The following PAPOLG variants were observed in gnomAD, a reference collection of about 807,000 sequenced individuals.
PAPOLG encodes PAP-gamma.
In PAPOLG, 40 loss-of-function variants were observed where a neutral mutation model predicts 99.0. The observed-to-expected ratio is 0.40, with a 90% CI of 0.31 to 0.53. The LOEUF is 0.53. Ranked by LOEUF, PAPOLG falls within the 20% of genes least tolerant of loss-of-function variation. PAPOLG has a pLI of 0.41. For synonymous variants in PAPOLG, 310 were observed against 299.3 expected, an observed-to-expected ratio of 1.04 and a Z score of -0.37; for missense variants, 675 against 884.1, an observed-to-expected ratio of 0.76 and a Z score of 3.00.
intron 13 of PAPOLG, among the ~76,000 whole-genome samples, chr2:60,784,405 T>C (rs886917008): frequency 1.3e-5 from 2 of 152,214 alleles, no homozygotes; most frequent in African/African-American, 4.8e-5. Context: ...TAAGAGATAT[T>C]TGTGGTCAAG....
intron 13 of PAPOLG, among the ~76,000 whole-genome samples, chr2:60,786,551 C>T (rs771565311): frequency 5.6e-5 from 8 of 143,760 alleles, no homozygotes; most frequent in South Asian, 4.5e-4. Context: ...TTTTTTGAGA[C>T]GGAGTCTTGC....
chr2:60,800,857 T>A lies in PAPOLG; in HGVS notation c.*3697T>A, dbSNP rs913786682. On this transcript the variant is annotated 3_prime_UTR_variant, in exon 22 of 22. Coordinates refer to ENST00000238714, the MANE Select transcript of PAPOLG (RefSeq NM_022894.4). ...ATATTATATAATTTTCTACTTTTGA[T>A]TTTGCTGTGGTATATTTCTGAAAAT... is the stretch of plus-strand genomic sequence containing the variant. 6.6e-6 allele frequency: 1 copy of A among 152,308 alleles called. No individual in the cohort carries two copies. Among genetic ancestry groups the A allele is most frequent in the Non-Finnish European group, 1.5e-5 (1 of 68,032 alleles). 9.4% of individuals were successfully genotyped at this position (152,308 alleles called of 1,614,324 possible). A position where few individuals can be genotyped will look rare whatever the true frequency, so the allele number is the denominator to read the frequency against.
intron 21 of PAPOLG, 39 bp downstream of exon 21, chr2:60,795,059 TA>T (rs1331813750): frequency 6.6e-7 from 1 of 1,504,268 alleles, no homozygotes; most frequent in Admixed American, 1.9e-5. Flanking sequence ...AGTACATAGG[TA>T]AAAACTCATA....
chr2:60,794,209 G>A lies in PAPOLG; in HGVS notation c.1989+18G>A. On this transcript the variant is annotated intron_variant, in intron 19 of 21. Coordinates refer to ENST00000238714, the MANE Select transcript of PAPOLG (RefSeq NM_022894.4). Reference sequence around the variant, plus strand: ...TAGAAAAGGTAAAGTTACAACTTTAGTGGTAATTCAGTAGTTGATATTTTT... The same window carrying A: ...TAGAAAAGGTAAAGTTACAACTTTAATGGTAATTCAGTAGTTGATATTTTT... 6.2e-7 allele frequency: 1 copy of A among 1,603,078 alleles called. No individual in the cohort carries two copies. Among genetic ancestry groups the A allele is most frequent in the East Asian group, 2.2e-5 (1 of 44,768 alleles).
At chr2:60,766,664 C>A (rs1670684062) in intron 3 of PAPOLG, among the ~76,000 whole-genome samples, 1 of 150,252 alleles carries the variant, frequency 6.7e-6, no homozygotes, top group Non-Finnish European at 1.5e-5. Flanking sequence ...CAGTGAAACC[C>A]CGTCTCCATC....
intron 3 of PAPOLG, among the ~76,000 whole-genome samples, chr2:60,765,554 A>G (rs1412897778): frequency 1.3e-5 from 2 of 152,072 alleles, no homozygotes; most frequent in Admixed American, 6.6e-5. Context: ...CTCTTTATGT[A>G]TATTTTACTT....
In PAPOLG at chr2:60,768,450, TC is replaced by T; in HGVS notation, c.247-18del. The stretch of plus-strand genomic sequence containing the variant: ...AAATAATTTGAATAATTGAATGTCT[TC>T]CGCTTAATTTTATTTTAGAACCTCC... On this transcript the variant is annotated intron_variant, in intron 3 of 21. Transcript: ENST00000238714. 5.0e-6 allele frequency: 8 copies of T among 1,611,264 alleles called. No individual in the cohort carries two copies. The highest frequency in any genetic ancestry group is 2.2e-5 in the South Asian group (2 of 90,622).
intron 3 of PAPOLG, among the ~76,000 whole-genome samples, chr2:60,766,297 G>A (rs1453235690): frequency 6.6e-6 from 1 of 152,168 alleles, no homozygotes; most frequent in Non-Finnish European, 1.5e-5. Flanking sequence ...AAGCTTGTTA[G>A]GGAGTAAGGA....
At chr2:60,774,586 G>A (rs574234548) in intron 7 of PAPOLG, among the ~76,000 whole-genome samples, 1 of 152,076 alleles carries the variant, frequency 6.6e-6, no homozygotes, top group African/African-American at 2.4e-5. Context: ...GACTGGTCTC[G>A]AGCGCCTGAC....
chr2:60,800,736 T>C lies in PAPOLG; in HGVS notation c.*3576T>C, dbSNP rs1671819880. On this transcript the variant is annotated 3_prime_UTR_variant, in exon 22 of 22. Coordinates refer to ENST00000238714, the MANE Select transcript of PAPOLG (RefSeq NM_022894.4). ...ATAAGAAGTTCTAGTTTACATGCAT[T>C]TTTCTTGGGGAAAGTGCATAGTTTA... 6.6e-6 allele frequency: 1 copy of C among 152,260 alleles called. No individual in the cohort carries two copies. The highest frequency in any genetic ancestry group is 6.5e-5 in the Admixed American group (1 of 15,282). 9.4% of individuals were successfully genotyped at this position (152,260 alleles called of 1,614,324 possible).
chr2:60,771,760 T>A, intron 7 of PAPOLG, 130 bp downstream of exon 7: 1 of 949,684 alleles, frequency 1.1e-6, no homozygotes, highest in Non-Finnish European at 1.5e-6. Flanking sequence ...CTTATACAGA[T>A]AATGTGACCA....
Position 60,783,137 on chromosome 2 carries a change from G to T in PAPOLG, c.1113-19G>T. On this transcript the variant is annotated intron_variant, in intron 12 of 21. Transcript: ENST00000238714. ...ATTTTTCTGGCTTTTTTTCCTGATT[G>T]TTGCTGAAAATTCTTCAGACATTAT... The T allele has an allele frequency of 6.5e-7, 1 of 1,548,536 alleles. No homozygotes were observed. The highest frequency in any genetic ancestry group is 2.1e-5 in the Admixed American group (1 of 47,676).
chr2:60,794,958 T>C lies in PAPOLG; in HGVS notation c.2056-6T>C. 2.5e-6 allele frequency: 4 copies of C among 1,612,610 alleles called. No homozygotes were observed. The highest frequency in any genetic ancestry group is 3.4e-6 in the Non-Finnish European group (4 of 1,179,548). On this transcript the variant is annotated splice_polypyrimidine_tract_variant and splice_region_variant and intron_variant, in intron 20 of 21. Transcript: ENST00000238714. ...TTTTCACTTGTGTTGATTCTTCTGT[T>C]TTTAGGATGCCATTGGAGGAGAATC...
intron 7 of PAPOLG, among the ~76,000 whole-genome samples, chr2:60,773,158 A>T (rs1670906923): frequency 6.6e-6 from 1 of 152,098 alleles, no homozygotes; most frequent in African/African-American, 2.4e-5. Context: ...AACTCTCGAT[A>T]TCAGGTGATG....
intron 21 of PAPOLG, among the ~76,000 whole-genome samples, chr2:60,795,668 A>G (rs1265316544): frequency 6.6e-6 from 1 of 150,634 alleles, no homozygotes; most frequent in African/African-American, 2.4e-5. Flanking sequence ...ATAAATATAT[A>G]TGATGATAAT....
In PAPOLG at chr2:60,794,108, A is replaced by C; in HGVS notation, c.1906A>C (p.Asn636His). The change falls in exon 19 of 22, where the codon AAT becomes CAT. Residue 636 changes from asparagine to histidine, a missense_variant. Physicochemically the swap from Asn to His is moderately conservative, Grantham distance 68 (BLOSUM62 1). This residue lies in a region of PAPOLG where 413 missense variants were observed against 460.5 expected (regional missense o/e 0.90). Transcript: ENST00000238714. The part of the protein sequence containing the change: ...QGQPHLNGMS[N>H]ITKTVTPKRS... The stretch of plus-strand genomic sequence containing the variant: ...ACAACCGCATCTGAATGGAATGTCA[A>C]ATATAACTAAGACTGTTACACCTAA... 1 of 1,614,102 alleles carries C rather than the reference A, an allele frequency of 6.2e-7. No individual in the cohort carries two copies. The highest frequency in any genetic ancestry group is 2.2e-5 in the East Asian group (1 of 44,890).
Position 60,778,673 on chromosome 2 carries a change from A to G in PAPOLG, c.695-964A>G, listed in dbSNP as rs1040636242. On this transcript the variant is annotated intron_variant, in intron 8 of 21. Coordinates refer to ENST00000238714, the MANE Select transcript of PAPOLG (RefSeq NM_022894.4). ...AAATAGCAACACATGGCTTGTGGCT[A>G]CCATATTGGACAGTGCAGGTCTAAA... 4.6e-5 allele frequency among the ~76,000 whole-genome samples: 7 copies of G among 152,218 alleles called. No individual in the cohort carries two copies. The South Asian group carries it at 1.4e-3, about 32-fold the overall frequency.
chr2:60,774,719 T>C (rs1005546425), intron 7 of PAPOLG, among the ~76,000 whole-genome samples: 2 of 152,202 alleles, frequency 1.3e-5, no homozygotes, highest in Admixed American at 6.5e-5. Flanking sequence ...AACAGTAAAT[T>C]ACAGTATTTG....
Position 60,761,668 on chromosome 2 carries a change from C to T in PAPOLG, c.180-73C>T, listed in dbSNP as rs1670525057. 6 of 1,296,328 alleles carry T rather than the reference C, an allele frequency of 4.6e-6. No individual in the cohort carries two copies. The South Asian group carries it at 4.8e-5, about 10-fold the overall frequency. 80.3% of individuals were successfully genotyped at this position (1,296,328 alleles called of 1,614,324 possible). A position where few individuals can be genotyped will look rare whatever the true frequency, so the allele number is the denominator to read the frequency against. ...CCCAGCATCAACACAAAGGGTACTG[C>T]CTATATGGGTTTTTAAAAATACTGT... On this transcript the variant is annotated intron_variant, in intron 2 of 21. Transcript: ENST00000238714.
Sources: allele counts gnomAD v4.1 joint callset (sites outside exome capture counted in the v4.1 genomes callset), GRCh38; gene constraint gnomAD v4.1.1; regional missense constraint gnomAD v4.1.1; transcripts MANE v1.5; gene names NCBI Gene and HGNC (gene_info 2026-07-23, HGNC 2026-07-21).